MAGI3: variants seen among roughly 807,000 people sequenced by gnomAD.
The protein encoded by MAGI3 is membrane associated guanylate kinase, WW and PDZ domain containing 3.
Under a neutral mutation model 121.8 loss-of-function variants are expected in MAGI3, and 43 were observed. The observed-to-expected ratio is 0.35, with a 90% CI of 0.28 to 0.46. The LOEUF is 0.46. Ranked by LOEUF, MAGI3 falls within the 20% of genes least tolerant of loss-of-function variation. The pLI is 1.00. For synonymous variants in MAGI3, 553 were observed against 639.3 expected (o/e 0.86, Z 2.04); for missense variants, 1,547 against 1,797.3 (o/e 0.86, Z 2.52).
At chr1:113,518,035 A>G (rs1434628141) in intron 1 of MAGI3, among the ~76,000 whole-genome samples, 2 of 152,038 alleles carry the variant, frequency 1.3e-5, no homozygotes, top group African/African-American at 4.8e-5. Flanking sequence ...GTACTTCAAT[A>G]TCTCTAAAAT....
intron 9 of MAGI3, among the ~76,000 whole-genome samples, chr1:113,633,888 C>A (rs1425415284): frequency 1.3e-5 from 2 of 152,302 alleles, no homozygotes; most frequent in Non-Finnish European, 2.9e-5. Context: ...CACATCCTCT[C>A]CAGCACCTGT....
At chr1:113,535,417 G>C (rs1658926129) in intron 1 of MAGI3, among the ~76,000 whole-genome samples, 1 of 151,756 alleles carries the variant, frequency 6.6e-6, no homozygotes, top group African/African-American at 2.4e-5. Flanking sequence ...TAAGAAACAT[G>C]TACCAATTTT....
intron 1 of MAGI3, among the ~76,000 whole-genome samples, chr1:113,428,646 T>C (rs1461081662): frequency 1.3e-5 from 2 of 152,238 alleles, no homozygotes; most frequent in African/African-American, 4.8e-5. Flanking sequence ...GAGCCCTACC[T>C]GTGAAAATAT....
At chr1:113,543,816 C>T (rs1442186104) in intron 1 of MAGI3, among the ~76,000 whole-genome samples, 2 of 150,908 alleles carry the variant, frequency 1.3e-5, no homozygotes, top group East Asian at 1.9e-4. Context: ...TGCAGTGAGC[C>T]GAGATCGCAC....
At chr1:113,461,574 C>G (rs1423838857) in intron 1 of MAGI3, among the ~76,000 whole-genome samples, 1 of 152,170 alleles carries the variant, frequency 6.6e-6, no homozygotes, top group East Asian at 1.9e-4. Flanking sequence ...AAAATCAACT[C>G]AAGATGGATC....
At chr1:113,589,867 A>G (rs1218567035) in intron 4 of MAGI3, among the ~76,000 whole-genome samples, 1 of 152,134 alleles carries the variant, frequency 6.6e-6, no homozygotes, top group Admixed American at 6.6e-5. Flanking sequence ...TAATATTACT[A>G]AACAGAATTA....
chr1:113,395,428 G>A (rs1469930382), intron 1 of MAGI3, among the ~76,000 whole-genome samples: 2 of 151,486 alleles, frequency 1.3e-5, no homozygotes, highest in Non-Finnish European at 2.9e-5. Context: ...TAACTCAGGG[G>A]TTCAGGTTTT....
At position 113,632,899 on chromosome 1, in the gene MAGI3, G is replaced by GT. The variant is rs71090715; in HGVS notation, c.1361-9002dup. On this transcript the variant is annotated intron_variant, in intron 9 of 20. Transcript: ENST00000307546. ...GGCTTTTGTTTTGTTTAGTTTTTTA[G>GT]TTTTTTTTTTATTATTATTATACTT... 2.6e-4 allele frequency among the ~76,000 whole-genome samples: 39 copies of GT among 149,168 alleles called. No individual in the cohort carries two copies. In the South Asian group the frequency reaches 3.6e-3, roughly 14 times the overall value.
chr1:113,395,086 A>ATTTTTTTTTTTT (rs1651021606), intron 1 of MAGI3, among the ~76,000 whole-genome samples: 1 of 12,092 alleles, frequency 8.3e-5, no homozygotes, highest in African/African-American at 2.7e-4. Flanking sequence ...TCTTTTTGTT[A>ATTTTTTTTTTTT]GTTTTTTTTT....
chr1:113,437,092 G>A (rs1194453707), intron 1 of MAGI3, among the ~76,000 whole-genome samples: 3 of 152,046 alleles, frequency 2.0e-5, no homozygotes, highest in East Asian at 3.8e-4. Flanking sequence ...GGGATTACAG[G>A]CATGAGCCAC....
intron 6 of MAGI3, among the ~76,000 whole-genome samples, chr1:113,605,782 T>C (rs1477777000): frequency 1.3e-5 from 2 of 151,970 alleles, no homozygotes; most frequent in Admixed American, 6.6e-5. Context: ...GTATTTCTAG[T>C]AGAGACGGGG....
chr1:113,511,188 T>G (rs1352560588), intron 1 of MAGI3, among the ~76,000 whole-genome samples: 2 of 152,220 alleles, frequency 1.3e-5, no homozygotes, highest in Non-Finnish European at 2.9e-5. Flanking sequence ...AGGAATATAG[T>G]ACCTTTTTCC....
At chr1:113,626,666 G>A (rs1651258825) in intron 9 of MAGI3, among the ~76,000 whole-genome samples, 1 of 152,036 alleles carries the variant, frequency 6.6e-6, no homozygotes, top group Admixed American at 6.6e-5. Context: ...ATTTCTTTGT[G>A]GTTTGATCTT....
chr1:113,635,914 C>T (rs373750611), intron 9 of MAGI3, among the ~76,000 whole-genome samples: 2 of 151,874 alleles, frequency 1.3e-5, no homozygotes, highest in Non-Finnish European at 2.9e-5. Context: ...GCCTGTTATT[C>T]GTCTATTCAG....
rs578152253 is a variant in MAGI3 at position 113,656,735 on chromosome 1, C to T, written c.2630-2345C>T. ...CCCAGCCAGATCATTCTTTATGGAC[C>T]TCATCTCAGGTATTTTCTGATGACG... is the stretch of plus-strand genomic sequence containing the variant. On this transcript the variant is annotated intron_variant, in intron 15 of 20. Transcript: ENST00000307546. Among the ~76,000 whole-genome samples, 114 of 152,134 alleles carry T rather than the reference C, an allele frequency of 7.5e-4. 1 individual carries two copies. The highest frequency in any genetic ancestry group is 2.6e-3 in the African/African-American group (110 of 41,510).
At chr1:113,554,697 T>G (rs1251259901) in intron 2 of MAGI3, among the ~76,000 whole-genome samples, 1 of 151,904 alleles carries the variant, frequency 6.6e-6, no homozygotes. Flanking sequence ...AAAGAAATAG[T>G]GACTGAAATG....
At chr1:113,636,987 C>T (rs972968078) in intron 9 of MAGI3, among the ~76,000 whole-genome samples, 2 of 152,078 alleles carry the variant, frequency 1.3e-5, no homozygotes, top group African/African-American at 2.4e-5. Flanking sequence ...ATGTAATGGC[C>T]TTCTTTGTCT....
intron 9 of MAGI3, among the ~76,000 whole-genome samples, chr1:113,623,791 TC>T (rs1484057504): frequency 6.6e-6 from 1 of 151,632 alleles, no homozygotes; most frequent in Non-Finnish European, 1.5e-5. Context: ...ACCCGGCCTT[TC>T]TAGCTATATA....
At chr1:113,631,037 C>T (rs1383088945) in intron 9 of MAGI3, among the ~76,000 whole-genome samples, 8 of 152,150 alleles carry the variant, frequency 5.3e-5, no homozygotes, top group Non-Finnish European at 1.2e-4. Flanking sequence ...AGGGTCGACC[C>T]AAATGCTCCC....
Sources: gnomAD v4.1 joint callset for allele counts (sites outside exome capture counted in the v4.1 genomes callset) on GRCh38, gnomAD v4.1.1 for gene constraint, MANE v1.5 for transcripts, NCBI Gene and HGNC (gene_info 2026-07-23, HGNC 2026-07-21) for gene names.